Variants in VASH2 observed in about 807,000 individuals in gnomAD.
VASH2 encodes the protein vasohibin 2.
In VASH2, 28 loss-of-function variants were observed where a neutral mutation model predicts 37.2. That is an observed-to-expected ratio of 0.75 (90% confidence interval 0.56 to 1.03). The LOEUF is 1.03. VASH2 is among the 50% of genes least tolerant of loss of function. The probability of loss-of-function intolerance (pLI) is 0.00; values close to 1 mark genes in which losing one functional copy is unlikely to be tolerated. For missense variants in VASH2, 419 were observed against 459.1 expected (o/e 0.91, Z 0.80); for synonymous variants, 188 against 174.7 (o/e 1.08, Z -0.60).
At chr1:212,957,140 T>G (rs1017982096) in intron 2 of VASH2, among the ~76,000 whole-genome samples, 1 of 152,264 alleles carries the variant, frequency 6.6e-6, no homozygotes, top group African/African-American at 2.4e-5. Context: ...CTTTTGTGAT[T>G]GGCTTACTTC....
rs1320079170 is a variant in VASH2, at chr1:212,951,492, G to T, written c.-51G>T. 1.7e-6 allele frequency: 2 copies of T among 1,186,580 alleles called. No individual in the cohort carries two copies. The highest frequency in any genetic ancestry group is 7.0e-5 in the East Asian group (2 of 28,562). 73.5% of individuals were successfully genotyped at this position (1,186,580 alleles called of 1,614,324 possible). A position where few individuals can be genotyped will look rare whatever the true frequency, so the allele number is the denominator to read the frequency against. Reference sequence around the variant, plus strand: ...GCACACGCCCCCCGCCGCCGCCGCCGCTGCCGCCGCCGCGCGCCCCCAGTA... The same window carrying T: ...GCACACGCCCCCCGCCGCCGCCGCCTCTGCCGCCGCCGCGCGCCCCCAGTA... On this transcript the variant is annotated 5_prime_UTR_variant, in exon 2 of 8. Coordinates refer to ENST00000517399, the MANE Select transcript of VASH2 (RefSeq NM_001301056.2). The surrounding 1 kb of genome is among the most constrained non-coding windows in gnomAD (Gnocchi z 4.4).
At chr1:212,985,198 CTTT>C (rs55804989) in intron 7 of VASH2, among the ~76,000 whole-genome samples, 5 of 100,816 alleles carry the variant, frequency 5.0e-5, no homozygotes, top group Admixed American at 2.2e-4. Context: ...ATTTTTTTTG[CTTT>C]TTTTTTTTTT....
intron 5 of VASH2, among the ~76,000 whole-genome samples, chr1:212,970,854 C>T (rs552157704): frequency 6.6e-6 from 1 of 151,734 alleles, no homozygotes; most frequent in East Asian, 1.9e-4. Flanking sequence ...CGCACCACTG[C>T]ACTCCAGCCT....
rs1212557755 is a variant in VASH2 at position 212,974,314 on chromosome 1, TGAA to T, written c.995+248_995+250del. Among the ~76,000 whole-genome samples the T allele has an allele frequency of 4.6e-5, 7 of 152,140 alleles. No individual in the cohort carries two copies. In the East Asian group the frequency reaches 1.2e-3, roughly 25 times the overall value. On this transcript the variant is annotated intron_variant, in intron 7 of 7. Transcript: ENST00000517399. ...GGGATAAGCCCCAGGCAGAATGAGG[TGAA>T]GAATAGTCTGAAATGCAGGTGGCCC... is the stretch of plus-strand genomic sequence containing the variant.
At chr1:212,968,243 A>G in intron 5 of VASH2, 22 of 985,454 alleles carry the variant, frequency 2.2e-5, no homozygotes, top group Non-Finnish European at 2.5e-5. Flanking sequence ...ACTGTTCAAT[A>G]AGTGAAAGGA....
At chr1:212,967,544 A>G in intron 5 of VASH2, 1 of 732,732 alleles carries the variant, frequency 1.4e-6, no homozygotes, top group Non-Finnish European at 1.8e-6. Context: ...TCCAAAAGGC[A>G]ATGGGCAACC....
chr1:212,965,404 A>G (rs1459364629), intron 3 of VASH2, among the ~76,000 whole-genome samples: 1 of 152,230 alleles, frequency 6.6e-6, no homozygotes, highest in Non-Finnish European at 1.5e-5. Context: ...TTTTAAAAAA[A>G]GAATAGTACC....
At chr1:212,973,385 C>T (rs886547190) in intron 6 of VASH2, 1 of 1,291,808 alleles carries the variant, frequency 7.7e-7, no homozygotes, top group African/African-American at 1.5e-5. Context: ...AGTTTTACCT[C>T]CAAAGTGATG....
intron 2 of VASH2, among the ~76,000 whole-genome samples, chr1:212,960,859 G>A (rs555231533): frequency 1.3e-5 from 2 of 152,318 alleles, no homozygotes; most frequent in East Asian, 1.9e-4. Context: ...ATAGTCCTTC[G>A]CATCAAGGAG....
chr1:212,968,444 C>G (rs1666912598), intron 5 of VASH2: 2 of 985,484 alleles, frequency 2.0e-6, no homozygotes, highest in African/African-American at 3.5e-5. Context: ...TTTTCTGGGT[C>G]TCCTGGACAT....
chr1:212,966,362 G>A lies in VASH2; in HGVS notation c.497+17G>A. On this transcript the variant is annotated intron_variant, in intron 5 of 7. Transcript: ENST00000517399. ...CCTGGGCATGTATCCTTTAAGTTAT[G>A]TATGCTTAGTTTACTCCATAAATGG... 2 of 1,549,384 alleles carry A rather than the reference G, an allele frequency of 1.3e-6. No individual in the cohort carries two copies. Among genetic ancestry groups the A allele is most frequent in the Non-Finnish European group, 8.7e-7 (1 of 1,144,906 alleles).
At chr1:212,959,979 TTC>T (rs1403330822) in intron 2 of VASH2, among the ~76,000 whole-genome samples, 2 of 152,182 alleles carry the variant, frequency 1.3e-5, no homozygotes, top group East Asian at 3.8e-4. Flanking sequence ...TGGGCTGAGA[TTC>T]TCTGTCACCA....
intron 5 of VASH2, 99 bp downstream of exon 5, chr1:212,966,444 C>G: frequency 1.6e-5 from 15 of 958,704 alleles, no homozygotes; most frequent in Non-Finnish European, 2.4e-5. Flanking sequence ...AGAGATGATG[C>G]CCATTATCTC....
intron 5 of VASH2, among the ~76,000 whole-genome samples, chr1:212,969,962 C>T (rs1230657707): frequency 6.6e-6 from 1 of 152,172 alleles, no homozygotes; most frequent in African/African-American, 2.4e-5. Flanking sequence ...TGAGGGCATG[C>T]GCATGCTTTT....
chr1:212,982,125 G>A (rs1667356089), intron 7 of VASH2, among the ~76,000 whole-genome samples: 1 of 152,186 alleles, frequency 6.6e-6, no homozygotes, highest in African/African-American at 2.4e-5. Context: ...AGCTGGCTCC[G>A]GGAATGCAGA....
chr1:212,960,558 A>G (rs573807508), intron 2 of VASH2, among the ~76,000 whole-genome samples: 1 of 152,122 alleles, frequency 6.6e-6, no homozygotes, highest in Non-Finnish European at 1.5e-5. Context: ...TTATTTATTT[A>G]TCTATTTGAA....
At position 212,973,989 on chromosome 1, in the gene VASH2, A is replaced by G; in HGVS notation, c.914A>G (p.Gln305Arg). 5 of 1,613,940 alleles carry G rather than the reference A, an allele frequency of 3.1e-6. No homozygotes were observed. Among genetic ancestry groups the G allele is most frequent in the Non-Finnish European group, 4.2e-6 (5 of 1,179,944 alleles). Residue 305 changes from glutamine (Q) to arginine (R), a missense_variant, in exon 7 of 8, where the codon CAA (glutamine) becomes CGA (arginine). Physicochemically the swap from Gln to Arg is conservative, Grantham distance 43 (BLOSUM62 1). Transcript: ENST00000517399. ...LKPASAHSPT[Q>R]VRSRGKSLSP... is the part of the protein sequence containing the mutation. ...CCTGCAAGTGCCCACTCTCCGACCCAAGTGAGAAGCCGGGGAAAATCCCTG... is the reference window on the plus strand; with the variant it reads ...CCTGCAAGTGCCCACTCTCCGACCCGAGTGAGAAGCCGGGGAAAATCCCTG...
rs1454879657 is a variant in VASH2, at chr1:212,967,531, T to C, written c.497+1186T>C. 6.1e-6 allele frequency: 6 copies of C among 985,836 alleles called. No individual in the cohort carries two copies. In the East Asian group the frequency reaches 3.9e-4, roughly 65 times the overall value. The allele number at this position is 985,836 out of a possible 1,614,324, so 61.1% of individuals were successfully genotyped here. A position where few individuals can be genotyped will look rare whatever the true frequency, so the allele number is the denominator to read the frequency against. On this transcript the variant is annotated intron_variant, in intron 5 of 7. Coordinates refer to ENST00000517399, the MANE Select transcript of VASH2 (RefSeq NM_001301056.2). ...TGAGCGCTGTGCTGAGAAATGACTT[T>C]TTTCCAAAAGGCAATGGGCAACCCA... is the stretch of plus-strand genomic sequence containing the variant.
At chr1:212,978,490 A>G in intron 7 of VASH2, among the ~76,000 whole-genome samples, 1 of 152,166 alleles carries the variant, frequency 6.6e-6, no homozygotes, top group East Asian at 1.9e-4. Context: ...AGTCGATCCC[A>G]GCCCCAGTGG....
Sources: allele counts gnomAD v4.1 joint callset (sites outside exome capture counted in the v4.1 genomes callset), GRCh38; gene constraint gnomAD v4.1.1; non-coding constraint Gnocchi (gnomAD v3.1); transcripts MANE v1.5; gene names NCBI Gene and HGNC (gene_info 2026-07-23, HGNC 2026-07-21).